Variants in SPAG16 observed in about 807,000 individuals in gnomAD.
SPAG16 encodes the protein sperm-associated antigen 16 protein.
Under a neutral mutation model 80.4 loss-of-function variants are expected in SPAG16, and 86 were observed. That is an observed-to-expected ratio of 1.07 (90% CI 0.90 to 1.28). The LOEUF (loss-of-function observed/expected upper bound fraction) is 1.28, where lower values mean the gene tolerates loss of function less well. Among genes scored for constraint, SPAG16 ranks in the 50% most tolerant of loss-of-function variants. The pLI, the probability that SPAG16 is intolerant of heterozygous loss-of-function variation, is 0.00. For synonymous variants in SPAG16, 294 were observed against 265.9 expected (o/e 1.11, Z -1.03); for missense variants, 870 against 765.3 (o/e 1.14, Z -1.61).
intron 10 of SPAG16, among the ~76,000 whole-genome samples, chr2:213,708,810 G>T (rs2065863630): frequency 6.6e-6 from 1 of 152,096 alleles, no homozygotes. Context: ...AAGTACTGGG[G>T]TATCTATTTC....
At chr2:214,368,056 T>G (rs1322633679) in intron 15 of SPAG16, among the ~76,000 whole-genome samples, 1 of 151,928 alleles carries the variant, frequency 6.6e-6, no homozygotes, top group Non-Finnish European at 1.5e-5. Flanking sequence ...CAATATTGAG[T>G]TTTTCCTATC....
chr2:213,902,588 G>A (rs1288733056), intron 11 of SPAG16, among the ~76,000 whole-genome samples: 2 of 152,136 alleles, frequency 1.3e-5, no homozygotes, highest in Non-Finnish European at 2.9e-5. Context: ...TAGAACATGT[G>A]GGAATTATGG....
At chr2:213,668,136 A>T (rs180685300) in intron 10 of SPAG16, among the ~76,000 whole-genome samples, 2 of 151,774 alleles carry the variant, frequency 1.3e-5, no homozygotes, top group South Asian at 2.1e-4. Flanking sequence ...AAACGGTTTC[A>T]CCATGTTGGC....
intron 11 of SPAG16, among the ~76,000 whole-genome samples, chr2:213,899,148 T>A (rs147089368): frequency 2.0e-5 from 3 of 152,052 alleles, no homozygotes; most frequent in African/African-American, 7.2e-5. Flanking sequence ...GTTAGGATAG[T>A]GTGGATGTGA....
chr2:213,329,027 A>C (rs1197849230), intron 5 of SPAG16, among the ~76,000 whole-genome samples: 4 of 152,050 alleles, frequency 2.6e-5, no homozygotes. Context: ...TCCATGTAAG[A>C]TGTGGCTTGC....
chr2:214,156,477 G>A (rs1304160890), intron 15 of SPAG16, among the ~76,000 whole-genome samples: 1 of 152,102 alleles, frequency 6.6e-6, no homozygotes, highest in East Asian at 1.9e-4. Flanking sequence ...AACTGAAATA[G>A]GAAAAGAAGA....
At chr2:214,332,444 G>A (rs764934490) in intron 15 of SPAG16, among the ~76,000 whole-genome samples, 11 of 152,098 alleles carry the variant, frequency 7.2e-5, no homozygotes, top group Non-Finnish European at 1.6e-4. Context: ...GTTGTCAAAC[G>A]GCTAAGTCAA....
At chr2:213,648,088 C>T (rs1303152743) in intron 10 of SPAG16, among the ~76,000 whole-genome samples, 1 of 152,110 alleles carries the variant, frequency 6.6e-6, no homozygotes, top group East Asian at 1.9e-4. Context: ...TTGTATTTAT[C>T]TATTCATTAA....
chr2:214,065,326 A>T (rs912834869), intron 13 of SPAG16, among the ~76,000 whole-genome samples: 1 of 152,144 alleles, frequency 6.6e-6, no homozygotes, highest in African/African-American at 2.4e-5. Context: ...TCGATTATAA[A>T]TCCATTATAT....
chr2:213,620,513 C>G (rs1158073319), intron 10 of SPAG16, among the ~76,000 whole-genome samples: 1 of 151,782 alleles, frequency 6.6e-6, no homozygotes, highest in African/African-American at 2.4e-5. Flanking sequence ...AGGATGGTCT[C>G]GATCTCTTGA....
intron 11 of SPAG16, among the ~76,000 whole-genome samples, chr2:213,911,758 C>T (rs563062467): frequency 6.6e-6 from 1 of 150,600 alleles, no homozygotes; most frequent in South Asian, 2.1e-4. Context: ...GAGGCAGCCT[C>T]CATGTATTGA....
At chr2:214,231,830 T>C (rs906010101) in intron 15 of SPAG16, among the ~76,000 whole-genome samples, 2 of 152,116 alleles carry the variant, frequency 1.3e-5, no homozygotes, top group African/African-American at 4.8e-5. Flanking sequence ...ACTGCTAAAT[T>C]AATAGTTAAA....
At chr2:213,526,451 A>T (rs989008677) in intron 10 of SPAG16, among the ~76,000 whole-genome samples, 1 of 152,134 alleles carries the variant, frequency 6.6e-6, no homozygotes, top group Non-Finnish European at 1.5e-5. Context: ...ATTTTAATCA[A>T]ATTGGTTTCA....
intron 10 of SPAG16, among the ~76,000 whole-genome samples, chr2:213,815,385 G>A (rs2072461329): frequency 6.6e-6 from 1 of 152,170 alleles, no homozygotes. Context: ...CCTATACTAT[G>A]ATTCTAGGGT....
Position 213,317,298 on chromosome 2 carries a change from T to A in SPAG16, c.478T>A (p.Leu160Met). ...AGATGTCTACACCCAGATTATGCTT[T>A]TGGAAAATGAGAACAAAAATTTAAA... Reference protein sequence around the residue: ...VPDVYTQIMLLENENKNLKKD... With the variant: ...VPDVYTQIMLMENENKNLKKD... The change falls in exon 5 of 16, where the codon TTG (leucine) becomes ATG (methionine). Residue 160 changes from leucine (L) to methionine (M), a missense_variant. Transcript: ENST00000331683. The A allele has an allele frequency of 6.2e-7, 1 of 1,611,594 alleles. No individual in the cohort carries two copies. Among genetic ancestry groups the A allele is most frequent in the East Asian group, 2.2e-5 (1 of 44,728 alleles).
intron 10 of SPAG16, among the ~76,000 whole-genome samples, chr2:213,851,024 C>T (rs948378293): frequency 2.0e-5 from 3 of 151,924 alleles, no homozygotes; most frequent in Non-Finnish European, 2.9e-5. Flanking sequence ...TTGACTTTAT[C>T]CAACCTGAAG....
intron 12 of SPAG16, among the ~76,000 whole-genome samples, chr2:214,010,526 G>A (rs2047233156): frequency 6.8e-6 from 1 of 146,310 alleles, no homozygotes; most frequent in Non-Finnish European, 1.5e-5. Context: ...GGGCTCTTGG[G>A]TGTAAACAGC....
At chr2:213,557,381 C>T (rs961879938) in intron 10 of SPAG16, among the ~76,000 whole-genome samples, 1 of 151,938 alleles carries the variant, frequency 6.6e-6, no homozygotes, top group Middle Eastern at 3.4e-3. Context: ...AAATTGTAAA[C>T]CTTTCAAATA....
At chr2:213,746,296 C>T (rs542300541) in intron 10 of SPAG16, among the ~76,000 whole-genome samples, 2 of 152,222 alleles carry the variant, frequency 1.3e-5, no homozygotes, top group Non-Finnish European at 2.9e-5. Flanking sequence ...GTAATACTCT[C>T]TGAAAAACTA....
Sources: allele counts gnomAD v4.1 joint callset (sites outside exome capture counted in the v4.1 genomes callset), GRCh38; gene constraint gnomAD v4.1.1; transcripts MANE v1.5; gene names NCBI Gene and HGNC (gene_info 2026-07-23, HGNC 2026-07-21).